The following MKRN1 variants were observed in gnomAD, a reference collection of about 807,000 sequenced individuals.
MKRN1 encodes the protein E3 ubiquitin-protein ligase makorin-1.
In MKRN1, 9 loss-of-function variants were observed where a neutral mutation model predicts 55.5. The observed-to-expected ratio is 0.16, with a 90% CI of 0.10 to 0.28. The LOEUF is 0.28. MKRN1 is among the 10% of genes least tolerant of loss of function. The pLI is 1.00. For missense variants in MKRN1, 488 were observed against 626.7 expected, an observed-to-expected ratio of 0.78 and a Z score of 2.36; for synonymous variants, 253 against 235.9, an observed-to-expected ratio of 1.07 and a Z score of -0.66.
At chr7:140,466,798 G>A (rs1468710683) in intron 2 of MKRN1, among the ~76,000 whole-genome samples, 2 of 132,786 alleles carry the variant, frequency 1.5e-5, no homozygotes, top group Admixed American at 8.2e-5. Flanking sequence ...GCGACAGAGC[G>A]AGACTCCGTC....
chr7:140,467,173 T>C (rs1013953888), intron 2 of MKRN1, among the ~76,000 whole-genome samples: 1 of 151,920 alleles, frequency 6.6e-6, no homozygotes, highest in African/African-American at 2.4e-5. Context: ...GACGGGGTTT[T>C]CCACAGGTCA....
intron 2 of MKRN1, among the ~76,000 whole-genome samples, chr7:140,466,494 G>A (rs1157327086): frequency 6.6e-6 from 1 of 152,086 alleles, no homozygotes; most frequent in African/African-American, 2.4e-5. Context: ...GGGAGACCCC[G>A]TCTCTACAAA....
chr7:140,469,472 G>C (rs961496580), intron 2 of MKRN1, among the ~76,000 whole-genome samples: 1 of 152,150 alleles, frequency 6.6e-6, no homozygotes, highest in Admixed American at 6.6e-5. Context: ...TAGTAACTTA[G>C]TCCAGAATCA....
At chr7:140,469,006 A>G (rs940235834) in intron 2 of MKRN1, among the ~76,000 whole-genome samples, 11 of 152,132 alleles carry the variant, frequency 7.2e-5, no homozygotes, top group Non-Finnish European at 1.3e-4. Flanking sequence ...CCAGTGGCTC[A>G]CACTACATTT....
rs1314336238 is a variant in MKRN1 at position 140,454,299 on chromosome 7, C to CT, written c.*217dup. ...TTAAATTCGTGTTACAAAAAACTAA[C>CT]TTTAAGATTTATTTTTGTAACTTTT... On this transcript the variant is annotated 3_prime_UTR_variant, in exon 8 of 8. Coordinates refer to ENST00000255977, the MANE Select transcript of MKRN1 (RefSeq NM_013446.4). The CT allele has an allele frequency of 5.2e-6, 3 of 578,588 alleles. No homozygotes were observed. Among genetic ancestry groups the CT allele is most frequent in the Non-Finnish European group, 9.2e-6 (3 of 324,722 alleles). 35.8% of individuals were successfully genotyped at this position (578,588 alleles called of 1,614,324 possible).
At chr7:140,457,085 T>C (rs1425586833) in intron 4 of MKRN1, among the ~76,000 whole-genome samples, 1 of 151,788 alleles carries the variant, frequency 6.6e-6, no homozygotes, top group Non-Finnish European at 1.5e-5. Flanking sequence ...TACTAGAAAA[T>C]CAAACTATGA....
chr7:140,460,756 T>A (rs887554008), intron 2 of MKRN1, among the ~76,000 whole-genome samples: 2 of 152,286 alleles, frequency 1.3e-5, no homozygotes, highest in East Asian at 1.9e-4. Context: ...AGGAAGGCAA[T>A]AGACTGGGGG....
Position 140,458,997 on chromosome 7 carries a change from A to G in MKRN1, c.771+10T>C, listed in dbSNP as rs765153094. The G allele has an allele frequency of 1.3e-5, 21 of 1,613,144 alleles. No individual in the cohort carries two copies. The highest frequency in any genetic ancestry group is 6.7e-5 in the Admixed American group (4 of 59,986). On this transcript the variant is annotated intron_variant, in intron 4 of 7. Transcript: ENST00000255977. ...CATCTAATAACACACACATCTCCCT[A>G]AAGACTTACTTTGATATGCTGCGAT... is the stretch of plus-strand genomic sequence containing the variant.
In MKRN1 at chr7:140,471,864, T is replaced by C; in HGVS notation, c.314+19A>G. On this transcript the variant is annotated intron_variant, in intron 2 of 7. Coordinates refer to ENST00000255977, the MANE Select transcript of MKRN1 (RefSeq NM_013446.4). Reference sequence around the variant, plus strand: ...TTCCTCCAACCCACCCCTGAACAAATTTATAAACAAATTCTTACCTGCAGC... The same window carrying C: ...TTCCTCCAACCCACCCCTGAACAAACTTATAAACAAATTCTTACCTGCAGC... 6.2e-7 allele frequency: 1 copy of C among 1,610,754 alleles called. No individual in the cohort carries two copies. The highest frequency in any genetic ancestry group is 1.1e-5 in the South Asian group (1 of 90,424).
chr7:140,470,952 A>T (rs1166432239), intron 2 of MKRN1, among the ~76,000 whole-genome samples: 1 of 151,816 alleles, frequency 6.6e-6, no homozygotes, highest in Non-Finnish European at 1.5e-5. Flanking sequence ...AGTCCCCATC[A>T]AGTCTTCAGA....
chr7:140,478,014 A>AT (rs2130380589), intron 1 of MKRN1: 1 of 152,344 alleles, frequency 6.6e-6, no homozygotes, highest in African/African-American at 2.4e-5. Flanking sequence ...TAAATGTATC[A>AT]TATCAAAGGC....
At chr7:140,473,234 CCA>C (rs774409593) in intron 1 of MKRN1, 4 of 433,092 alleles carry the variant, frequency 9.2e-6, no homozygotes, top group South Asian at 6.8e-5. Flanking sequence ...AAAACATCAT[CCA>C]GATTCACCCC....
intron 1 of MKRN1, 40 bp downstream of exon 1, chr7:140,479,120 C>T: frequency 7.7e-7 from 1 of 1,295,660 alleles, no homozygotes; most frequent in Non-Finnish European, 9.8e-7. Flanking sequence ...GGCCCGCGGC[C>T]CCCTCCCCGC....
rs376798349 is a variant in MKRN1 at position 140,456,814 on chromosome 7, C to T, written c.824G>A (p.Arg275His). Residue 275 changes from arginine (R) to histidine (H), a missense_variant, in exon 5 of 8, where the codon CGC (arginine) becomes CAC (histidine). Physicochemically the swap from Arg to His is conservative, Grantham distance 29. Around this residue, in one of 2 missense-constraint regions of MKRN1, gnomAD observed 278 missense variants for 406.7 expected, o/e 0.68. Transcript: ENST00000255977. Reference sequence around the variant, plus strand: ...GATCCCACACACCATGTCCTTGCTGCGCTGCACGGCAAATGAGAGCTCCAT... The same window carrying T: ...GATCCCACACACCATGTCCTTGCTGTGCTGCACGGCAAATGAGAGCTCCAT... ...KDMELSFAVQ[R>H]SKDMVCGICM... 181 of 1,613,822 alleles carry T rather than the reference C, an allele frequency of 1.1e-4. No homozygotes were observed. The highest frequency in any genetic ancestry group is 1.4e-4 in the Non-Finnish European group (168 of 1,179,918).
chr7:140,462,924 C>G (rs1186679126), intron 2 of MKRN1, among the ~76,000 whole-genome samples: 2 of 152,142 alleles, frequency 1.3e-5, no homozygotes. Context: ...CAAGAACGCA[C>G]CACTGCACTC....
chr7:140,455,687 G>C (rs1395735286), intron 6 of MKRN1, 103 bp downstream of exon 6: 3 of 885,660 alleles, frequency 3.4e-6, no homozygotes, highest in Non-Finnish European at 5.4e-6. Context: ...AGTCAAAGAA[G>C]GGTAGGAAGG....
At position 140,472,388 on chromosome 7, in the gene MKRN1, G is replaced by A. The variant is rs563455817; in HGVS notation, c.186-377C>T. 117 of 199,850 alleles carry A rather than the reference G, an allele frequency of 5.9e-4. 1 individual carries two copies. The South Asian group carries it at 7.6e-3, about 13-fold the overall frequency. 12.4% of individuals were successfully genotyped at this position (199,850 alleles called of 1,614,324 possible). A position where few individuals can be genotyped will look rare whatever the true frequency, so the allele number is the denominator to read the frequency against. ...GCTGAGGTTTCAATGAGCCGAGATC[G>A]CGCCATTGCACTCCAGCCTGGGAGA... is the stretch of plus-strand genomic sequence containing the variant. On this transcript the variant is annotated intron_variant, in intron 1 of 7. Transcript: ENST00000255977.
rs1156830668 is a variant in MKRN1, at chr7:140,459,716, A to G, written c.535T>C (p.Cys179Arg). ...TCTTCAGAATACTTACTACGGCCACAGTAGGGTTGCCCAGGAACAAACTCA... is the reference window on the plus strand; with the variant it reads ...TCTTCAGAATACTTACTACGGCCACGGTAGGGTTGCCCAGGAACAAACTCA... ...AIEFVPGQPY[C>R]GRTAPSCTEA... is the part of the protein sequence containing the mutation. The change falls in exon 3 of 8, where the codon TGT (cysteine) becomes CGT (arginine). Residue 179 changes from cysteine (C) to arginine (R), a missense_variant. This residue lies in a region of MKRN1 where 278 missense variants were observed against 406.7 expected (regional missense o/e 0.68). Coordinates refer to ENST00000255977, the MANE Select transcript of MKRN1 (RefSeq NM_013446.4). The G allele has an allele frequency of 1.2e-6, 2 of 1,613,832 alleles. No homozygotes were observed. The highest frequency in any genetic ancestry group is 1.1e-5 in the South Asian group (1 of 91,072).
chr7:140,465,236 A>ACCTGTAAT (rs1347762559), intron 2 of MKRN1, among the ~76,000 whole-genome samples: 8 of 152,088 alleles, frequency 5.3e-5, no homozygotes, highest in Non-Finnish European at 1.2e-4. Context: ...GGTAGTTCAC[A>ACCTGTAAT]CCTGTAATCC....
Sources: allele counts gnomAD v4.1 joint callset (sites outside exome capture counted in the v4.1 genomes callset), GRCh38; gene constraint gnomAD v4.1.1; regional missense constraint gnomAD v4.1.1; transcripts MANE v1.5; gene names NCBI Gene and HGNC (gene_info 2026-07-23, HGNC 2026-07-21).